The following LDLRAD3 variants were observed in gnomAD, a reference collection of about 807,000 sequenced individuals.
LDLRAD3 encodes low-density lipoprotein receptor class A domain-containing protein 3.
A neutral mutation model predicts 29.4 loss-of-function variants in LDLRAD3; 20 were observed. The observed-to-expected ratio is 0.68, with a 90% confidence interval of 0.48 to 0.99. The LOEUF is 0.99. LDLRAD3 is among the 50% of genes least tolerant of loss of function. The pLI is 0.00. For synonymous variants in LDLRAD3, 157 were observed against 192.7 expected, an observed-to-expected ratio of 0.81 and a Z score of 1.53; for missense variants, 420 against 454.3, an observed-to-expected ratio of 0.92 and a Z score of 0.69.
intron 2 of LDLRAD3, among the ~76,000 whole-genome samples, chr11:36,055,502 G>C (rs981206931): frequency 1.3e-5 from 2 of 152,158 alleles, no homozygotes; most frequent in African/African-American, 2.4e-5. Flanking sequence ...AGCCTCACTG[G>C]CTTCTCCATT....
intron 4 of LDLRAD3, among the ~76,000 whole-genome samples, chr11:36,159,587 C>T (rs1015729229): frequency 8.8e-5 from 11 of 124,714 alleles, no homozygotes; most frequent in African/African-American, 3.4e-4. Flanking sequence ...AGTAAAACAC[C>T]GTCTTTACAG....
rs1306246998 is a variant in LDLRAD3, at chr11:36,184,125, C to T, written c.455-42960C>T. The T allele has an allele frequency of 8.0e-5, 16 of 200,784 alleles. No homozygotes were observed. In the South Asian group the frequency reaches 9.0e-4, roughly 11 times the overall value. 12.4% of individuals were successfully genotyped at this position (200,784 alleles called of 1,614,324 possible). On this transcript the variant is annotated intron_variant, in intron 4 of 5. Transcript: ENST00000315571. ...GGATTACAGGCATGCGCTACCACAC[C>T]CAGCTAATTTTGTATTTTTAATAGA...
chr11:36,216,652 A>G (rs1405575551), intron 4 of LDLRAD3, among the ~76,000 whole-genome samples: 3 of 152,154 alleles, frequency 2.0e-5, no homozygotes, highest in South Asian at 2.1e-4. Flanking sequence ...TTGAATCTAG[A>G]CAGTTTGATC....
At chr11:35,953,746 G>A (rs538608993) in intron 1 of LDLRAD3, among the ~76,000 whole-genome samples, 1 of 152,302 alleles carries the variant, frequency 6.6e-6, no homozygotes, top group East Asian at 1.9e-4. Context: ...TTGGGGAGGG[G>A]AAGAGTGATT....
At chr11:36,033,648 C>A (rs1852268286) in intron 1 of LDLRAD3, among the ~76,000 whole-genome samples, 2 of 152,218 alleles carry the variant, frequency 1.3e-5, no homozygotes, top group African/African-American at 4.8e-5. Flanking sequence ...CAGAGCAGTT[C>A]TCTAACAACA....
At chr11:36,190,007 A>C (rs1854916977) in intron 4 of LDLRAD3, among the ~76,000 whole-genome samples, 2 of 150,544 alleles carry the variant, frequency 1.3e-5, no homozygotes, top group African/African-American at 4.9e-5. Context: ...AAGGATCACC[A>C]GACATTTGAC....
At chr11:36,202,352 C>A (rs1855139388) in intron 4 of LDLRAD3, among the ~76,000 whole-genome samples, 1 of 152,060 alleles carries the variant, frequency 6.6e-6, no homozygotes, top group Non-Finnish European at 1.5e-5. Flanking sequence ...ACATCTTTAT[C>A]TATAATGCAG....
intron 1 of LDLRAD3, among the ~76,000 whole-genome samples, chr11:35,948,467 T>TGC (rs1851089036): frequency 1.4e-5 from 2 of 147,126 alleles, no homozygotes; most frequent in South Asian, 4.3e-4. Flanking sequence ...TGTGTGTGTG[T>TGC]GTGCACATGC....
chr11:35,973,073 A>G (rs1006406772), intron 1 of LDLRAD3, among the ~76,000 whole-genome samples: 4 of 149,448 alleles, frequency 2.7e-5, no homozygotes, highest in Non-Finnish European at 3.0e-5. Context: ...AAAAAAAAAA[A>G]GGGAGCACAT....
chr11:36,208,866 A>G (rs1361969217), intron 4 of LDLRAD3, among the ~76,000 whole-genome samples: 3 of 152,246 alleles, frequency 2.0e-5, no homozygotes, highest in Non-Finnish European at 2.9e-5. Context: ...AAGTTTAAGC[A>G]GAAACAGGAT....
intron 4 of LDLRAD3, among the ~76,000 whole-genome samples, chr11:36,209,338 T>G (rs998505739): frequency 3.3e-5 from 5 of 150,296 alleles, no homozygotes; most frequent in African/African-American, 1.2e-4. Context: ...AGATGAAGGA[T>G]TTGCAGAAAC....
At chr11:36,147,020 C>T (rs948126716) in intron 4 of LDLRAD3, among the ~76,000 whole-genome samples, 6 of 151,180 alleles carry the variant, frequency 4.0e-5, no homozygotes, top group Non-Finnish European at 7.4e-5. Flanking sequence ...CAACTCCTAA[C>T]CTCGAGTGAC....
chr11:36,025,774 A>ATTTTT (rs754006718), intron 1 of LDLRAD3, among the ~76,000 whole-genome samples: 16 of 84,396 alleles, frequency 1.9e-4, no homozygotes, highest in Non-Finnish European at 2.5e-4. Flanking sequence ...CCTGAATTTG[A>ATTTTT]TTTTTTTTTT....
At chr11:36,140,992 T>TCTC (rs1854073899) in intron 4 of LDLRAD3, among the ~76,000 whole-genome samples, 2 of 109,996 alleles carry the variant, frequency 1.8e-5, no homozygotes, top group Admixed American at 1.1e-4. Flanking sequence ...CTGTTGAGCT[T>TCTC]TCTCTCTCTC....
At chr11:36,146,773 C>CTTTATTTTATTTTATTTTATTTTAT (rs55792933) in intron 4 of LDLRAD3, among the ~76,000 whole-genome samples, 26,548 of 143,564 alleles carry the variant, frequency 0.18, 2,916 homozygotes, top group East Asian at 0.44. Context: ...TTTCCCTCTA[C>CTTTATTTTATTTTATTTTATTTTAT]TTTATTTTAT....
chr11:36,153,199 T>C (rs1854301127), intron 4 of LDLRAD3, among the ~76,000 whole-genome samples: 1 of 152,038 alleles, frequency 6.6e-6, no homozygotes, highest in Non-Finnish European at 1.5e-5. Context: ...ATGTGCTCCA[T>C]GGGCATAGGA....
intron 2 of LDLRAD3, among the ~76,000 whole-genome samples, chr11:36,046,944 A>G (rs1274893692): frequency 2.0e-5 from 3 of 152,200 alleles, no homozygotes; most frequent in Non-Finnish European, 4.4e-5. Context: ...TTTTTCTTCT[A>G]TAATCTGATG....
chr11:36,138,031 C>T (rs867134294), intron 4 of LDLRAD3, among the ~76,000 whole-genome samples: 1 of 152,182 alleles, frequency 6.6e-6, no homozygotes, highest in African/African-American at 2.4e-5. Context: ...ACTCAGGGGC[C>T]CTTTAATCTG....
chr11:36,006,443 G>A (rs1011519853), intron 1 of LDLRAD3, among the ~76,000 whole-genome samples: 8 of 152,218 alleles, frequency 5.3e-5, no homozygotes, highest in Non-Finnish European at 8.8e-5. Flanking sequence ...GCGCTGAGCT[G>A]TGTGCCAGGC....
Sources: gnomAD v4.1 joint callset for allele counts (sites outside exome capture counted in the v4.1 genomes callset) on GRCh38, gnomAD v4.1.1 for gene constraint, MANE v1.5 for transcripts, NCBI Gene and HGNC (gene_info 2026-07-23, HGNC 2026-07-21) for gene names.